The following SLC10A7 variants were observed in gnomAD, a reference collection of about 807,000 sequenced individuals.
The protein encoded by SLC10A7 is sodium/bile acid cotransporter 7.
Under a neutral mutation model 43.2 loss-of-function variants are expected in SLC10A7, and 29 were observed. That is an observed-to-expected ratio of 0.67 (90% CI 0.50 to 0.92). SLC10A7 has a LOEUF of 0.92. SLC10A7 is among the 40% of genes least tolerant of loss of function. The pLI, the probability that SLC10A7 is intolerant of heterozygous loss-of-function variation, is 0.00. For synonymous variants in SLC10A7, 152 were observed against 144.8 expected (o/e 1.05, Z -0.35); for missense variants, 295 against 403.2 (o/e 0.73, Z 2.30).
intron 5 of SLC10A7, among the ~76,000 whole-genome samples, chr4:146,390,252 T>G (rs781065617): frequency 6.6e-6 from 1 of 152,188 alleles, no homozygotes; most frequent in Non-Finnish European, 1.5e-5. Flanking sequence ...AGTGACAGAT[T>G]GTAGTACTGT....
At chr4:146,423,842 T>C (rs1255792989) in intron 5 of SLC10A7, among the ~76,000 whole-genome samples, 1 of 151,996 alleles carries the variant, frequency 6.6e-6, no homozygotes, top group Non-Finnish European at 1.5e-5. Context: ...ATTTAGAAAA[T>C]AAAGAATGGA....
chr4:146,280,027 C>G (rs368139502), intron 10 of SLC10A7, among the ~76,000 whole-genome samples: 1 of 152,102 alleles, frequency 6.6e-6, no homozygotes. Flanking sequence ...GAAAGCTTCT[C>G]AAGCAAGAGT....
At chr4:146,272,160 G>GATGA (rs1234128490) in intron 10 of SLC10A7, among the ~76,000 whole-genome samples, 1 of 152,174 alleles carries the variant, frequency 6.6e-6, no homozygotes, top group Non-Finnish European at 1.5e-5. Flanking sequence ...TGAATGAATG[G>GATGA]ATGATGTAGA....
At chr4:146,305,246 T>C (rs1267788466) in intron 7 of SLC10A7, among the ~76,000 whole-genome samples, 2 of 150,956 alleles carry the variant, frequency 1.3e-5, no homozygotes, top group African/African-American at 4.9e-5. Flanking sequence ...TATGCAGCCA[T>C]AAAAAATGAT....
In SLC10A7 at chr4:146,503,956, A is replaced by G. The variant is rs764440549; in HGVS notation, c.321-32T>C. 4.2e-5 allele frequency: 66 copies of G among 1,578,742 alleles called. 1 individual carries two copies. The South Asian group carries it at 7.0e-4, about 17-fold the overall frequency. On this transcript the variant is annotated intron_variant, in intron 3 of 11. Transcript: ENST00000335472. Reference sequence around the variant, plus strand: ...AATAAAAGAAAATCCAACTATAAATAATTTTATAATCATAGACAGCTTTCA... The same window carrying G: ...AATAAAAGAAAATCCAACTATAAATGATTTTATAATCATAGACAGCTTTCA...
chr4:146,404,572 T>C lies in SLC10A7; in HGVS notation c.435+38211A>G, dbSNP rs1238090865. On this transcript the variant is annotated intron_variant, in intron 5 of 11. Coordinates refer to ENST00000335472, the MANE Select transcript of SLC10A7 (RefSeq NM_001029998.6). ...TGGGTATATATGTTTCTATTTGATC[T>C]GTAAAAGTTGTTTATATATTAAAGA... is the stretch of plus-strand genomic sequence containing the variant. Among the ~76,000 whole-genome samples, 5 of 152,108 alleles carry C rather than the reference T, an allele frequency of 3.3e-5. No individual in the cohort carries two copies. In the East Asian group the frequency reaches 9.6e-4, roughly 29 times the overall value.
At chr4:146,491,180 G>C (rs1275306208) in intron 4 of SLC10A7, among the ~76,000 whole-genome samples, 1 of 152,098 alleles carries the variant, frequency 6.6e-6, no homozygotes, top group Non-Finnish European at 1.5e-5. Flanking sequence ...CTAGATACGG[G>C]GGATGAGGAG....
At chr4:146,379,090 A>G (rs917849396) in intron 5 of SLC10A7, among the ~76,000 whole-genome samples, 1 of 152,192 alleles carries the variant, frequency 6.6e-6, no homozygotes, top group Non-Finnish European at 1.5e-5. Context: ...CTTCCTGTGG[A>G]GAGTGTCTGA....
At chr4:146,318,130 C>A (rs1483175844) in intron 6 of SLC10A7, among the ~76,000 whole-genome samples, 2 of 151,978 alleles carry the variant, frequency 1.3e-5, no homozygotes, top group African/African-American at 4.8e-5. Flanking sequence ...CACTAATTTT[C>A]CCAATTTAAA....
At chr4:146,294,145 T>G (rs777951626) in intron 7 of SLC10A7, 50 bp from the exon 8 acceptor site, 10 of 1,403,286 alleles carry the variant, frequency 7.1e-6, no homozygotes, top group Non-Finnish European at 9.7e-6. Flanking sequence ...TGGAGGGAGT[T>G]GAAATGGGCA....
intron 4 of SLC10A7, among the ~76,000 whole-genome samples, chr4:146,460,104 GT>G (rs1553978202): frequency 6.6e-6 from 1 of 151,876 alleles, no homozygotes; most frequent in Non-Finnish European, 1.5e-5. Flanking sequence ...TCTTTAGTTA[GT>G]AGAGAACTAT....
At chr4:146,291,807 C>T (rs552317133) in intron 9 of SLC10A7, among the ~76,000 whole-genome samples, 187 of 152,276 alleles carry the variant, frequency 1.2e-3, no homozygotes, top group African/African-American at 4.1e-3. Context: ...CTTCCTTCTT[C>T]TTTGAACTGA....
In SLC10A7 at chr4:146,306,878, T is replaced by C. The variant is rs193167414; in HGVS notation, c.472-869A>G. ...ACCAGATCTACCAAACCATCGATAATTGGCCCTTGGAACTTACTTTTTGCC... is the reference window on the plus strand; with the variant it reads ...ACCAGATCTACCAAACCATCGATAACTGGCCCTTGGAACTTACTTTTTGCC... On this transcript the variant is annotated intron_variant, in intron 6 of 11. Coordinates refer to ENST00000335472, the MANE Select transcript of SLC10A7 (RefSeq NM_001029998.6). Among the ~76,000 whole-genome samples the C allele has an allele frequency of 3.9e-5, 6 of 152,302 alleles. No homozygotes were observed. The East Asian group carries it at 1.2e-3, about 29-fold the overall frequency.
chr4:146,269,092 C>T (rs1325381152), intron 10 of SLC10A7, among the ~76,000 whole-genome samples: 2 of 152,308 alleles, frequency 1.3e-5, no homozygotes, highest in African/African-American at 4.8e-5. Flanking sequence ...GTAACCCCAT[C>T]ACTTTGCTGA....
chr4:146,429,518 A>T (rs949589609), intron 5 of SLC10A7, among the ~76,000 whole-genome samples: 2 of 152,174 alleles, frequency 1.3e-5, no homozygotes, highest in Non-Finnish European at 2.9e-5. Context: ...TTGAATAGGG[A>T]AAGACAGTCA....
chr4:146,390,478 A>C lies in SLC10A7; in HGVS notation c.435+52305T>G, dbSNP rs141578797. Reference sequence around the variant, plus strand: ...ACCGTATCTCTACAAAAAATACAAAAAATTAGCCGGGTGTGGAGGTGCACA... The same window carrying C: ...ACCGTATCTCTACAAAAAATACAAACAATTAGCCGGGTGTGGAGGTGCACA... On this transcript the variant is annotated intron_variant, in intron 5 of 11. Coordinates refer to ENST00000335472, the MANE Select transcript of SLC10A7 (RefSeq NM_001029998.6). Among the ~76,000 whole-genome samples the C allele has an allele frequency of 1.1e-3, 173 of 152,120 alleles. 1 individual carries two copies. In the East Asian group the frequency reaches 0.02, roughly 17 times the overall value.
intron 5 of SLC10A7, chr4:146,442,415 C>G (rs1380026882): frequency 9.9e-7 from 1 of 1,013,502 alleles, no homozygotes; most frequent in Non-Finnish European, 1.2e-6. Context: ...CCCTTTCTGA[C>G]CAGCTGGGTC....
chr4:146,348,660 G>A (rs1282473037), intron 5 of SLC10A7, among the ~76,000 whole-genome samples: 4 of 151,956 alleles, frequency 2.6e-5, no homozygotes, highest in Non-Finnish European at 2.9e-5. Flanking sequence ...ACATAAAAAC[G>A]TATCATTTAA....
intron 4 of SLC10A7, among the ~76,000 whole-genome samples, chr4:146,480,905 G>A (rs1000774441): frequency 2.0e-5 from 3 of 151,996 alleles, no homozygotes; most frequent in African/African-American, 4.8e-5. Context: ...AGCTAAAGGA[G>A]AGCACCAGAG....
Sources: gnomAD v4.1 joint callset for allele counts (sites outside exome capture counted in the v4.1 genomes callset) on GRCh38, gnomAD v4.1.1 for gene constraint, MANE v1.5 for transcripts, NCBI Gene and HGNC (gene_info 2026-07-23, HGNC 2026-07-21) for gene names.